CCNH: variants seen among roughly 807,000 people sequenced by gnomAD.
CCNH encodes the protein cyclin H.
Under a neutral mutation model 41.9 loss-of-function variants are expected in CCNH, and 31 were observed. The ratio of observed to expected loss-of-function variants is 0.74; its 90% confidence interval spans 0.56 to 1.00. CCNH has a LOEUF of 1.00. Among genes scored for constraint, CCNH ranks in the 50% least tolerant of loss-of-function variants. CCNH has a pLI of 0.00. For missense variants in CCNH, 362 were observed against 388.4 expected (o/e 0.93, Z 0.57); for synonymous variants, 138 against 136.1 (o/e 1.01, Z -0.10).
chr5:87,320,010 C>G (rs1456539461), intron 9 of CCNH, among the ~76,000 whole-genome samples: 4 of 152,110 alleles, frequency 2.6e-5, no homozygotes, highest in Non-Finnish European at 5.9e-5. Context: ...TGCCAGGTAC[C>G]CTAAATCATC....
chr5:87,412,368 CT>C, intron 1 of CCNH: 1 of 1,089,518 alleles, frequency 9.2e-7, no homozygotes, highest in Non-Finnish European at 1.1e-6. Flanking sequence ...TGGGAAAAAC[CT>C]TCCCCAACAT....
intron 9 of CCNH, chr5:87,353,057 T>G: frequency 2.4e-6 from 2 of 831,148 alleles, no homozygotes; most frequent in South Asian, 3.0e-5. Flanking sequence ...TGAAAAAAAT[T>G]TGCTAATTAG....
At chr5:87,362,716 T>C (rs1760207880) in intron 9 of CCNH, 1 of 1,578,084 alleles carries the variant, frequency 6.3e-7, no homozygotes. Flanking sequence ...AGAGACGTTG[T>C]AAATATGGAG....
intron 9 of CCNH, among the ~76,000 whole-genome samples, chr5:87,338,536 A>ATATATATATTTTTTTTTTTT: frequency 5.9e-5 from 5 of 85,218 alleles, no homozygotes; most frequent in African/African-American, 2.2e-4. Context: ...TATATATAAA[A>ATATATATATTTTTTTTTTTT]TTTTTTTTTT....
intron 9 of CCNH, among the ~76,000 whole-genome samples, chr5:87,357,470 G>A (rs1337830715): frequency 3.9e-5 from 6 of 152,004 alleles, no homozygotes; most frequent in Non-Finnish European, 5.9e-5. Flanking sequence ...TACTGAATTT[G>A]TACTTAGAAT....
At chr5:87,396,114 A>G (rs866529667) in intron 7 of CCNH, among the ~76,000 whole-genome samples, 1 of 152,212 alleles carries the variant, frequency 6.6e-6, no homozygotes, top group Non-Finnish European at 1.5e-5. Flanking sequence ...AGAATACAGT[A>G]TAACTATTTA....
downstream of CCNH, among the ~76,000 whole-genome samples, chr5:87,314,255 G>T (rs1756146036): frequency 1.3e-5 from 2 of 152,330 alleles, no homozygotes; most frequent in East Asian, 1.9e-4. Flanking sequence ...GTCCAGTGGA[G>T]ACTGGCCAAG....
downstream of CCNH, chr5:87,374,752 AG>A (rs1291264780): frequency 1.3e-6 from 2 of 1,542,280 alleles, no homozygotes; most frequent in African/African-American, 1.4e-5. Flanking sequence ...AAGCAGAAAT[AG>A]GGGGTTTATT....
downstream of CCNH, chr5:87,374,930 G>A: frequency 6.3e-7 from 1 of 1,598,134 alleles, no homozygotes; most frequent in South Asian, 1.1e-5. Flanking sequence ...AGTTGATACA[G>A]AAACTTTCTA....
chr5:87,400,293 T>C (rs1290271664), intron 6 of CCNH, among the ~76,000 whole-genome samples: 1 of 152,232 alleles, frequency 6.6e-6, no homozygotes, highest in African/African-American at 2.4e-5. Flanking sequence ...GGACAGTATC[T>C]ATGTTCCAAA....
At chr5:87,361,076 T>C (rs920980083) in intron 9 of CCNH, among the ~76,000 whole-genome samples, 4 of 152,180 alleles carry the variant, frequency 2.6e-5, no homozygotes, top group Non-Finnish European at 4.4e-5. Flanking sequence ...ATTTCAGTTA[T>C]ATCATCCTCT....
downstream of CCNH, chr5:87,392,091 C>T (rs1762566615): frequency 3.1e-6 from 1 of 326,004 alleles, no homozygotes; most frequent in African/African-American, 2.2e-5. Context: ...GCAATAATTC[C>T]TTCCCTCTCA....
chr5:87,329,614 T>G (rs1318776783), intron 9 of CCNH, among the ~76,000 whole-genome samples: 9 of 152,148 alleles, frequency 5.9e-5, no homozygotes, highest in Non-Finnish European at 1.5e-5. Context: ...AAAACCTTTT[T>G]CATCTTGACA....
intron 9 of CCNH, among the ~76,000 whole-genome samples, chr5:87,384,566 A>G (rs1761939839): frequency 6.6e-6 from 1 of 152,094 alleles, no homozygotes; most frequent in Non-Finnish European, 1.5e-5. Context: ...ATAAATTATT[A>G]ATATTAAGGG....
chr5:87,314,831 G>C (rs556375159), downstream of CCNH, among the ~76,000 whole-genome samples: 1 of 152,274 alleles, frequency 6.6e-6, no homozygotes, highest in African/African-American at 2.4e-5. Context: ...TGTCTTTAAG[G>C]TTGATGGGAG....
downstream of CCNH, among the ~76,000 whole-genome samples, chr5:87,389,012 C>CAA (rs1762266362): frequency 6.6e-6 from 1 of 151,914 alleles, no homozygotes; most frequent in Non-Finnish European, 1.5e-5. Flanking sequence ...CATGTGAATA[C>CAA]AAAGGTTACA....
At chr5:87,379,746 A>T (rs1355723637), upstream of CCNH, 1 of 1,612,296 alleles carries the variant, frequency 6.2e-7, no homozygotes, top group Admixed American at 1.7e-5. Flanking sequence ...TAAGTCCATC[A>T]AAGTTAGAAA....
At chr5:87,381,331 T>TA (rs1420616811), upstream of CCNH, among the ~76,000 whole-genome samples, 7 of 152,342 alleles carry the variant, frequency 4.6e-5, no homozygotes, top group East Asian at 1.2e-3. Flanking sequence ...AGTCTTATTG[T>TA]AGGCTTTTGC....
chr5:87,330,662 A>G (rs1399557015), intron 9 of CCNH, among the ~76,000 whole-genome samples: 2 of 152,172 alleles, frequency 1.3e-5, no homozygotes, highest in Non-Finnish European at 2.9e-5. Context: ...AGATCATTTG[A>G]TAGTATGTAG....
Sources: allele counts gnomAD v4.1 joint callset (sites outside exome capture counted in the v4.1 genomes callset), GRCh38; gene constraint gnomAD v4.1.1; transcripts MANE v1.5; gene names NCBI Gene and HGNC (gene_info 2026-07-23, HGNC 2026-07-21).